Variants in TMPRSS9 observed in about 807,000 individuals in gnomAD.
The protein encoded by TMPRSS9 is transmembrane protease serine 9.
Under a neutral mutation model 111.4 loss-of-function variants are expected in TMPRSS9, and 113 were observed. The observed-to-expected ratio is 1.01, with a 90% CI of 0.87 to 1.19. The LOEUF (loss-of-function observed/expected upper bound fraction) is 1.19, where lower values mean the gene tolerates loss of function less well. Ranked by LOEUF, TMPRSS9 falls within the 50% of genes most tolerant of loss-of-function variation. The pLI is 0.00. For missense variants in TMPRSS9, 1,803 were observed against 1,513.1 expected (o/e 1.19, Z -3.18); for synonymous variants, 805 against 659.1 (o/e 1.22, Z -3.39).
chr19:2,384,409 C>T (rs1222138775), intron 1 of TMPRSS9, among the ~76,000 whole-genome samples: 1 of 152,182 alleles, frequency 6.6e-6, no homozygotes, highest in Non-Finnish European at 1.5e-5. Flanking sequence ...GGTGTGGTGG[C>T]TCCCGCCTGT....
At chr19:2,413,718 C>G (rs1458888711) in exon 10 of TMPRSS9, 22 of 1,610,856 alleles carry the variant, frequency 1.4e-5, no homozygotes, top group Non-Finnish European at 1.9e-5. Context: ...AGGAGGACCC[C>G]TGGTCTGCGA....
intron 1 of TMPRSS9, among the ~76,000 whole-genome samples, chr19:2,380,113 G>T (rs1377849324): frequency 6.6e-6 from 1 of 151,974 alleles, no homozygotes; most frequent in Non-Finnish European, 1.5e-5. Flanking sequence ...TTTGGACCTT[G>T]CTGGTGTTGT....
chr19:2,370,809 A>C (rs529208883), intron 1 of TMPRSS9, among the ~76,000 whole-genome samples: 1 of 152,088 alleles, frequency 6.6e-6, no homozygotes, highest in Non-Finnish European at 1.5e-5. Flanking sequence ...ACTTAAAAAA[A>C]AAATTAACCC....
chr19:2,416,690 C>T, exon 12 of TMPRSS9: 1 of 1,613,114 alleles, frequency 6.2e-7, no homozygotes. Flanking sequence ...CTGGAGCTGG[C>T]CAGCCCCCTG....
intron 1 of TMPRSS9, among the ~76,000 whole-genome samples, chr19:2,391,495 G>C (rs900385302): frequency 6.6e-6 from 1 of 151,568 alleles, no homozygotes; most frequent in Non-Finnish European, 1.5e-5. Context: ...GGTTCCTCGT[G>C]TGAGTGTATT....
chr19:2,403,142 C>T lies in TMPRSS9; in HGVS notation c.617C>T (p.Pro206Leu), dbSNP rs370304062. The T allele has an allele frequency of 2.5e-5, 41 of 1,612,418 alleles. 1 individual carries two copies. Among genetic ancestry groups the T allele is most frequent in the South Asian group, 1.0e-4 (9 of 90,392 alleles). Residue 206 changes from proline to leucine, a missense_variant, in exon 6 of 18, where the codon CCG (proline) becomes CTG (leucine). Pro to Leu is a moderately conservative substitution (Grantham distance 98). Coordinates refer to ENST00000648592, the Ensembl canonical transcript of TMPRSS9. Reference sequence around the variant, plus strand: ...AGCCAGTGTGTGACCAAGGTGAACCCGGAGTGTGACGACCAGGAGGACTGC... The same window carrying T: ...AGCCAGTGTGTGACCAAGGTGAACCTGGAGTGTGACGACCAGGAGGACTGC...
At chr19:2,388,643 CAG>C (rs1324609637), upstream of TMPRSS9, among the ~76,000 whole-genome samples, 1 of 152,142 alleles carries the variant, frequency 6.6e-6, no homozygotes, top group African/African-American at 2.4e-5. Context: ...TTCTTTGAGA[CAG>C]GGTCTGGCTC....
At chr19:2,374,270 TTTTTTTTTTTTTTTTA>T (rs1410118479) in intron 1 of TMPRSS9, among the ~76,000 whole-genome samples, 1 of 122,026 alleles carries the variant, frequency 8.2e-6, no homozygotes, top group Non-Finnish European at 1.9e-5. Flanking sequence ...TTTTTTTTTT[TTTTTTTTTTTTTTTTA>T]AAGAGGTAGG....
chr19:2,396,706 G>A (rs756140965), intron 2 of TMPRSS9, 40 bp downstream of exon 3: 104 of 1,570,934 alleles, frequency 6.6e-5, no homozygotes, highest in East Asian at 1.4e-4. Context: ...GAGGAAGAGC[G>A]GGTGGCCGGG....
chr19:2,393,132 A>C (rs1318930685), intron 1 of TMPRSS9, among the ~76,000 whole-genome samples: 2 of 152,174 alleles, frequency 1.3e-5, no homozygotes, highest in Non-Finnish European at 2.9e-5. Context: ...ATAAAAGCGG[A>C]CTGCTGGAGC....
chr19:2,392,945 G>A (rs760902365), intron 1 of TMPRSS9, among the ~76,000 whole-genome samples: 35 of 151,960 alleles, frequency 2.3e-4, no homozygotes, highest in Non-Finnish European at 4.6e-4. Context: ...GAGAACTTTT[G>A]TGTCTAGCTA....
At chr19:2,373,836 A>T (rs117066743) in intron 1 of TMPRSS9, among the ~76,000 whole-genome samples, 4,302 of 152,302 alleles carry the variant, frequency 0.028, 87 homozygotes, top group Non-Finnish European at 0.043. Context: ...TGGCCTAGGG[A>T]GGTTGCAGCT....
intron 13 of TMPRSS9, 92 bp from the exon 15 acceptor site, chr19:2,421,762 T>A: frequency 1.4e-6 from 2 of 1,425,690 alleles, no homozygotes; most frequent in Non-Finnish European, 1.9e-6. Flanking sequence ...CCTCGATGGC[T>A]CCCACCCACT....
exon 14 of TMPRSS9, chr19:2,421,931 T>C (rs1165443290): frequency 6.2e-7 from 1 of 1,613,112 alleles, no homozygotes; most frequent in Non-Finnish European, 8.5e-7. Flanking sequence ...GCTGGGGTAT[T>C]GGCTGCGCTC....
chr19:2,405,546 G>C lies in TMPRSS9; in HGVS notation c.842+1G>C, dbSNP rs1389420936. The C allele has an allele frequency of 6.4e-7, 1 of 1,554,076 alleles. No individual in the cohort carries two copies. Among genetic ancestry groups the C allele is most frequent in the Non-Finnish European group, 8.7e-7 (1 of 1,152,460 alleles). ...TGTCTGCTGCTCACTGCTTCAATGAGTAAGCCCCCATCCCAAAGCACCAAA... is the reference window on the plus strand; with the variant it reads ...TGTCTGCTGCTCACTGCTTCAATGACTAAGCCCCCATCCCAAAGCACCAAA... On this transcript the variant is annotated splice_donor_variant, in intron 7 of 17. Transcript: ENST00000648592. LOFTEE classifies it high-confidence loss of function.
chr19:2,373,746 C>T (rs899268065), intron 1 of TMPRSS9, among the ~76,000 whole-genome samples: 13 of 152,130 alleles, frequency 8.5e-5, no homozygotes, highest in African/African-American at 2.7e-4. Context: ...GCGATCCACC[C>T]GCCTCAGCCT....
In TMPRSS9 at chr19:2,422,514, G is replaced by A. The variant is rs562128843; in HGVS notation, c.2548+267G>A. 1.2e-3 allele frequency among the ~76,000 whole-genome samples: 179 copies of A among 152,318 alleles called. 1 individual carries two copies. Among genetic ancestry groups the A allele is most frequent in the African/African-American group, 4.2e-3 (174 of 41,586 alleles). On this transcript the variant is annotated intron_variant, in intron 14 of 17. Coordinates refer to ENST00000648592, the Ensembl canonical transcript of TMPRSS9. ...GAGAATGGCATGAAGCCGGGAGGCGGAGCTTGCAGTGAGCTGCATGCCACT... is the reference window on the plus strand; with the variant it reads ...GAGAATGGCATGAAGCCGGGAGGCGAAGCTTGCAGTGAGCTGCATGCCACT...
At chr19:2,408,166 G>A (rs947319519) in intron 7 of TMPRSS9, among the ~76,000 whole-genome samples, 190 bp from the exon 9 acceptor site, 2 of 151,970 alleles carry the variant, frequency 1.3e-5, no homozygotes, top group Admixed American at 6.6e-5. Context: ...TGATCCTCCC[G>A]CTTCAGCCTC....
intron 7 of TMPRSS9, among the ~76,000 whole-genome samples, chr19:2,406,062 G>A (rs1204994430): frequency 7.2e-6 from 1 of 139,080 alleles, no homozygotes; most frequent in East Asian, 2.1e-4. Context: ...CCAGGCTGGA[G>A]TGCAGTGGCG....
Sources: gnomAD v4.1 joint callset for allele counts (sites outside exome capture counted in the v4.1 genomes callset) on GRCh38, gnomAD v4.1.1 for gene constraint, MANE v1.5 for transcripts, NCBI Gene and HGNC (gene_info 2026-07-23, HGNC 2026-07-21) for gene names.